Variants in SLC22A9 observed in about 807,000 individuals in gnomAD.
SLC22A9 encodes organic anion transporter 7.
Under a neutral mutation model 50.1 loss-of-function variants are expected in SLC22A9, and 64 were observed. That is an observed-to-expected ratio of 1.28 (90% CI 1.04 to 1.57). The LOEUF is 1.57. SLC22A9 is among the 40% of genes most tolerant of loss of function. The probability of loss-of-function intolerance (pLI) is 0.00; values close to 1 mark genes in which losing one functional copy is unlikely to be tolerated. For synonymous variants in SLC22A9, 261 were observed against 242.5 expected, an observed-to-expected ratio of 1.08 and a Z score of -0.71; for missense variants, 757 against 676.1, an observed-to-expected ratio of 1.12 and a Z score of -1.33.
At chr11:63,409,438 T>TAA (rs10570779) in intron 9 of SLC22A9, among the ~76,000 whole-genome samples, 1 of 146,872 alleles carries the variant, frequency 6.8e-6, no homozygotes, top group Non-Finnish European at 1.5e-5. Flanking sequence ...TCTGATGAGC[T>TAA]AAAAAAAAAA....
rs771421511 is a variant in SLC22A9, at chr11:63,370,145, C to T, written c.89C>T (p.Ala30Val). ...QTVFLSIFAV[A>V]TYLHFMLENF... is the part of the protein sequence containing the mutation. Reference sequence around the variant, plus strand: ...GTTTTTCTCTCAATCTTTGCTGTTGCTACATACCTTCATTTTATGCTGGAG... The same window carrying T: ...GTTTTTCTCTCAATCTTTGCTGTTGTTACATACCTTCATTTTATGCTGGAG... The change falls in exon 1 of 10, where the codon GCT becomes GTT. Residue 30 changes from alanine to valine, a missense_variant. Coordinates refer to ENST00000279178, the MANE Select transcript of SLC22A9 (RefSeq NM_080866.3). 6.8e-6 allele frequency: 11 copies of T among 1,613,934 alleles called. No homozygotes were observed. Among genetic ancestry groups the T allele is most frequent in the Non-Finnish European group, 8.5e-6 (10 of 1,179,938 alleles).
At chr11:63,371,795 T>A (rs944423208) in intron 2 of SLC22A9, among the ~76,000 whole-genome samples, 8 of 152,196 alleles carry the variant, frequency 5.3e-5, no homozygotes, top group Non-Finnish European at 1.2e-4. Flanking sequence ...AGGTAAGTAA[T>A]CCAAGGATAA....
rs113253118 is a variant in SLC22A9 at position 63,370,476 on chromosome 11, C to T, written c.402+18C>T. On this transcript the variant is annotated intron_variant, in intron 1 of 9. Coordinates refer to ENST00000279178, the MANE Select transcript of SLC22A9 (RefSeq NM_080866.3). ...TGACTGAGGTAAGAGGCTCTGTTCT[C>T]GTCTCATGAGTATGTGACCTGGGTG... 74,852 of 1,549,272 alleles carry T rather than the reference C, an allele frequency of 0.048. 2,063 individuals are homozygous for T. Among genetic ancestry groups the T allele is most frequent in the Non-Finnish European group, 0.058 (66,223 of 1,150,608 alleles).
chr11:63,383,609 G>C (rs61927997), intron 6 of SLC22A9, among the ~76,000 whole-genome samples: 5,986 of 152,206 alleles, frequency 0.039, 203 homozygotes, highest in African/African-American at 0.081. Context: ...CCAATGCAAA[G>C]CTTCAAAGAA....
In SLC22A9 at chr11:63,400,875, T is replaced by C. The variant is rs1451189779; in HGVS notation, c.1074-5622T>C. Among the ~76,000 whole-genome samples, 6 of 152,002 alleles carry C rather than the reference T, an allele frequency of 3.9e-5. No individual in the cohort carries two copies. In the East Asian group the frequency reaches 9.6e-4, roughly 24 times the overall value. On this transcript the variant is annotated intron_variant, in intron 6 of 9. Coordinates refer to ENST00000279178, the MANE Select transcript of SLC22A9 (RefSeq NM_080866.3). ...TAGGCAAGTCAATAAACATAAAACA[T>C]AACATTAGTAGGATCAAGGACAAAA...
intron 7 of SLC22A9, 53 bp downstream of exon 7, chr11:63,406,764 G>A: frequency 1.3e-6 from 2 of 1,567,396 alleles, no homozygotes; most frequent in Non-Finnish European, 1.7e-6. Context: ...CTTTTCTCAG[G>A]GATTGTACTT....
chr11:63,388,474 C>T (rs1045089500), intron 6 of SLC22A9, among the ~76,000 whole-genome samples: 2 of 151,842 alleles, frequency 1.3e-5, no homozygotes, highest in Non-Finnish European at 2.9e-5. Flanking sequence ...ATATATCATG[C>T]TAACCAATAT....
chr11:63,397,094 C>A (rs2014872683), intron 6 of SLC22A9, among the ~76,000 whole-genome samples: 1 of 152,114 alleles, frequency 6.6e-6, no homozygotes, highest in South Asian at 2.1e-4. Flanking sequence ...TAGGAGGGAC[C>A]CCAAGGCCAG....
chr11:63,370,581 A>G (rs1193224365), intron 1 of SLC22A9, 123 bp downstream of exon 1: 1 of 1,141,170 alleles, frequency 8.8e-7, no homozygotes, highest in Non-Finnish European at 1.2e-6. Flanking sequence ...TTCAGCAAAT[A>G]CTAATTGCTT....
chr11:63,405,799 T>C (rs2015026810), intron 6 of SLC22A9, among the ~76,000 whole-genome samples: 1 of 152,166 alleles, frequency 6.6e-6, no homozygotes, highest in Non-Finnish European at 1.5e-5. Flanking sequence ...TTTGTTGTCA[T>C]GTGAGCAAAT....
chr11:63,375,201 A>G (rs1320507520), intron 4 of SLC22A9, among the ~76,000 whole-genome samples: 1 of 152,206 alleles, frequency 6.6e-6, no homozygotes, highest in Non-Finnish European at 1.5e-5. Context: ...TGTCCAGTTT[A>G]TTCACAGATG....
chr11:63,387,041 A>T (rs1565185104), intron 6 of SLC22A9, among the ~76,000 whole-genome samples: 1 of 151,786 alleles, frequency 6.6e-6, no homozygotes, highest in Non-Finnish European at 1.5e-5. Flanking sequence ...AGTGCTATAA[A>T]TTTCCCTCTT....
intron 6 of SLC22A9, among the ~76,000 whole-genome samples, chr11:63,388,375 T>A (rs78427309): frequency 1.3e-5 from 2 of 151,866 alleles, no homozygotes; most frequent in Admixed American, 6.6e-5. Flanking sequence ...TTTTTTTTTT[T>A]ATCAGAAATG....
intron 6 of SLC22A9, among the ~76,000 whole-genome samples, chr11:63,386,151 G>A (rs542556521): frequency 7.2e-5 from 11 of 152,150 alleles, no homozygotes; most frequent in African/African-American, 1.9e-4. Flanking sequence ...CGACTTCATC[G>A]GGGTTAATAA....
chr11:63,372,263 C>T (rs1426319616), intron 2 of SLC22A9, among the ~76,000 whole-genome samples: 7 of 152,058 alleles, frequency 4.6e-5, no homozygotes, highest in Admixed American at 1.3e-4. Context: ...GCAGAGTAGG[C>T]TATGATCAAA....
Position 63,373,879 on chromosome 11 carries a change from T to G in SLC22A9, c.662-15T>G. On this transcript the variant is annotated splice_polypyrimidine_tract_variant and intron_variant, in intron 3 of 9. Coordinates refer to ENST00000279178, the MANE Select transcript of SLC22A9 (RefSeq NM_080866.3). ...CCACCTTTGAAGTCAAAGCCTTATC[T>G]GTTTTTTCTTCCAGTAGCCGAGTGG... The G allele has an allele frequency of 6.2e-7, 1 of 1,611,764 alleles. No homozygotes were observed. The highest frequency in any genetic ancestry group is 8.5e-7 in the Non-Finnish European group (1 of 1,178,840).
intron 6 of SLC22A9, among the ~76,000 whole-genome samples, chr11:63,383,260 G>A (rs756164398): frequency 5.9e-5 from 9 of 152,066 alleles, no homozygotes; most frequent in Non-Finnish European, 1.3e-4. Flanking sequence ...ATGTGTTTTT[G>A]TCTTTCCCAC....
intron 5 of SLC22A9, among the ~76,000 whole-genome samples, chr11:63,376,193 C>A (rs1182292725): frequency 6.6e-6 from 1 of 152,078 alleles, no homozygotes; most frequent in Admixed American, 6.6e-5. Flanking sequence ...TTCATTCAAT[C>A]ATACATTCTT....
chr11:63,398,290 A>T (rs2014894713), intron 6 of SLC22A9, among the ~76,000 whole-genome samples: 2 of 152,040 alleles, frequency 1.3e-5, no homozygotes, highest in Non-Finnish European at 2.9e-5. Flanking sequence ...CCTCTCCTCA[A>T]GTCAAAGGGA....
Sources: gnomAD v4.1 joint callset for allele counts (sites outside exome capture counted in the v4.1 genomes callset) on GRCh38, gnomAD v4.1.1 for gene constraint, MANE v1.5 for transcripts, NCBI Gene and HGNC (gene_info 2026-07-23, HGNC 2026-07-21) for gene names.